DECR2: variants seen among roughly 807,000 people sequenced by gnomAD.
DECR2 encodes peroxisomal 2,4-dienoyl-CoA reductase [(3E)-enoyl-CoA-producing].
A neutral mutation model predicts 29.2 loss-of-function variants in DECR2; 34 were observed. That is an observed-to-expected ratio of 1.16 (90% CI 0.89 to 1.55). The LOEUF is 1.55. DECR2 is among the 40% of genes most tolerant of loss of function. The pLI, the probability that DECR2 is intolerant of heterozygous loss-of-function variation, is 0.00. For missense variants in DECR2, 485 were observed against 425.3 expected, an observed-to-expected ratio of 1.14 and a Z score of -1.23; for synonymous variants, 224 against 182.7, an observed-to-expected ratio of 1.23 and a Z score of -1.82.
intron 7 of DECR2, 42 bp from the exon 8 acceptor site, chr16:411,319 G>A: frequency 6.4e-7 from 1 of 1,570,426 alleles, no homozygotes; most frequent in Non-Finnish European, 8.6e-7. Flanking sequence ...AGGGTGCTGG[G>A]TCTTGGGGCT....
intron 3 of DECR2, 48 bp downstream of exon 3, chr16:406,445 G>T (rs757073034): frequency 4.3e-5 from 68 of 1,587,556 alleles, no homozygotes; most frequent in Admixed American, 8.4e-5. Flanking sequence ...CTGTGGGGGG[G>T]CTGGGGCTGG....
At position 402,050 on chromosome 16, in the gene DECR2, G is replaced by A. The variant is rs987724864; in HGVS notation, c.80+7G>A. 23 of 1,401,272 alleles carry A rather than the reference G, an allele frequency of 1.6e-5. No homozygotes were observed. Among genetic ancestry groups the A allele is most frequent in the Non-Finnish European group, 2.1e-5 (23 of 1,075,324 alleles). The allele number at this position is 1,401,272 out of a possible 1,614,324, so 86.8% of individuals were successfully genotyped here. ...TCTGCCCGGACCTGCTGCGGTGAGC[G>A]GGGCCTGGGAAGCGAGCGCAGCCTT... On this transcript the variant is annotated splice_region_variant and intron_variant, in intron 1 of 8. Transcript: ENST00000219481.
In DECR2 at chr16:412,347, G is replaced by A. The variant is rs1172215409; in HGVS notation, c.*458G>A. ...CCGCCCCTCTGTCTCTGCACCACCTGTTTGCATAAACACACTTTGCTACAA... is the reference window on the plus strand; with the variant it reads ...CCGCCCCTCTGTCTCTGCACCACCTATTTGCATAAACACACTTTGCTACAA... On this transcript the variant is annotated 3_prime_UTR_variant, in exon 9 of 9. Coordinates refer to ENST00000219481, the MANE Select transcript of DECR2 (RefSeq NM_020664.4). The A allele has an allele frequency of 2.6e-5, 4 of 152,350 alleles. No homozygotes were observed. Among genetic ancestry groups the A allele is most frequent in the African/African-American group, 9.6e-5 (4 of 41,572 alleles). The allele number at this position is 152,350 out of a possible 1,614,324, so 9.4% of individuals were successfully genotyped here. A position where few individuals can be genotyped will look rare whatever the true frequency, so the allele number is the denominator to read the frequency against.
At chr16:407,716 C>T in intron 4 of DECR2, 156 bp downstream of exon 4, 1 of 1,249,266 alleles carries the variant, frequency 8.0e-7, no homozygotes, top group Non-Finnish European at 1.1e-6. Flanking sequence ...GAGGCCAAGA[C>T]TCAGGCTCCG....
In DECR2 at chr16:410,687, G is replaced by A. The variant is rs374096745; in HGVS notation, c.463-4G>A. The A allele has an allele frequency of 6.2e-7, 1 of 1,602,772 alleles. No homozygotes were observed. On this transcript the variant is annotated splice_polypyrimidine_tract_variant and splice_region_variant and intron_variant, in intron 5 of 8. Transcript: ENST00000219481. The surrounding 1 kb of genome is among the most constrained non-coding windows in gnomAD (Gnocchi z 4.1). Reference sequence around the variant, plus strand: ...CTCACTGCCCCGGGCCTTGTGTGTTGCAGGACCACGGAGGGGTGATCGTGA... The same window carrying A: ...CTCACTGCCCCGGGCCTTGTGTGTTACAGGACCACGGAGGGGTGATCGTGA...
rs927651313 is a variant in DECR2, at chr16:402,108, C to T, written c.80+65C>T. On this transcript the variant is annotated intron_variant, in intron 1 of 8. Transcript: ENST00000219481. The stretch of plus-strand genomic sequence containing the variant: ...GGTCCGGTCCGCGGGCGCCGGCGCC[C>T]CCACGTGGTCCCCGAGGGCTCGCGT... The T allele has an allele frequency of 6.2e-5, 79 of 1,264,716 alleles. No individual in the cohort carries two copies. The Middle Eastern group carries it at 1.3e-3, about 21-fold the overall frequency. The allele number at this position is 1,264,716 out of a possible 1,614,324, so 78.3% of individuals were successfully genotyped here. A position where few individuals can be genotyped will look rare whatever the true frequency, so the allele number is the denominator to read the frequency against.
chr16:406,438 T>C (rs779448865), intron 3 of DECR2, 41 bp downstream of exon 3: 1 of 1,591,496 alleles, frequency 6.3e-7, no homozygotes, highest in South Asian at 1.1e-5. Flanking sequence ...CGGGTGGCTG[T>C]GGGGGGGCTG....
At chr16:404,695 T>C (rs1365041055) in intron 1 of DECR2, among the ~76,000 whole-genome samples, 1 of 152,048 alleles carries the variant, frequency 6.6e-6, no homozygotes, top group Non-Finnish European at 1.5e-5. Context: ...AGTGGTGCGA[T>C]CTCGGCTCAC....
At chr16:409,206 G>A (rs1171905023) in intron 4 of DECR2, among the ~76,000 whole-genome samples, 2 of 148,910 alleles carry the variant, frequency 1.3e-5, no homozygotes, top group Non-Finnish European at 3.0e-5. Flanking sequence ...GAGTCTTGCT[G>A]TGTCGCCCAG....
rs531312457 is a variant in DECR2 at position 401,914 on chromosome 16, G to A, written c.-50G>A. ...TCGCAGCTGCGCGCCGGGTCCTGGA[G>A]GCCGAGGCCGCTCCCGCCCGTTGTC... On this transcript the variant is annotated 5_prime_UTR_variant, in exon 1 of 9. Coordinates refer to ENST00000219481, the MANE Select transcript of DECR2 (RefSeq NM_020664.4). 770 of 1,459,046 alleles carry A rather than the reference G, an allele frequency of 5.3e-4. 7 individuals are homozygous for A. In the South Asian group the frequency reaches 9.2e-3, roughly 17 times the overall value. 90.4% of individuals were successfully genotyped at this position (1,459,046 alleles called of 1,614,324 possible). A position where few individuals can be genotyped will look rare whatever the true frequency, so the allele number is the denominator to read the frequency against.
chr16:405,109 G>T, intron 2 of DECR2, 85 bp downstream of exon 2: 1 of 1,529,224 alleles, frequency 6.5e-7, no homozygotes, highest in Non-Finnish European at 9.0e-7. Flanking sequence ...AAAGATGTTG[G>T]TGGGAGGTAG....
In DECR2 at chr16:410,071, C is replaced by A; in HGVS notation, c.338-172C>A. 1.1e-6 allele frequency: 1 copy of A among 892,902 alleles called. No individual in the cohort carries two copies. Among genetic ancestry groups the A allele is most frequent in the Non-Finnish European group, 1.6e-6 (1 of 607,450 alleles). The allele number at this position is 892,902 out of a possible 1,614,324, so 55.3% of individuals were successfully genotyped here. A position where few individuals can be genotyped will look rare whatever the true frequency, so the allele number is the denominator to read the frequency against. ...TCTCGGGGACACAGTGCAGCCAGGA[C>A]GCCCGTCTTGCTCTGGTCATTTTGG... On this transcript the variant is annotated intron_variant, in intron 4 of 8. Transcript: ENST00000219481. This position sits in a 1 kb window ranked among gnomAD's most constrained non-coding sequence, Gnocchi z 4.1.
rs2054796132 is a variant in DECR2, at chr16:410,353, GAGA to G, written c.451_453del (p.Lys151del). ...CTTCAATGTGTCTCGTGTGCTCTAT[GAGA>G]AGTTCTTCCGGGTGGGTGCCTCGTG... On this transcript the variant is annotated inframe_deletion, in exon 5 of 9. Coordinates refer to ENST00000219481, the MANE Select transcript of DECR2 (RefSeq NM_020664.4). This position sits in a 1 kb window ranked among gnomAD's most constrained non-coding sequence, Gnocchi z 4.1. 6.2e-7 allele frequency: 1 copy of G among 1,600,120 alleles called. No homozygotes were observed. Among genetic ancestry groups the G allele is most frequent in the South Asian group, 1.1e-5 (1 of 89,654 alleles).
rs1239929514 is a variant in DECR2, at chr16:410,286, C to T, written c.381C>T (p.Phe127=). The change falls in exon 5 of 9, where the codon TTC becomes TTT. Residue 127 remains phenylalanine (F), a synonymous_variant. Transcript: ENST00000219481. This position sits in a 1 kb window ranked among gnomAD's most constrained non-coding sequence, Gnocchi z 4.1. The part of the protein sequence containing the change: ...NFLCPAGALS[F]NAFKTVMDID... ...TGTGCCCCGCTGGCGCCTTGTCCTT[C>T]AACGCCTTCAAGACCGTGATGGACA... The T allele has an allele frequency of 3.7e-6, 6 of 1,613,628 alleles. No individual in the cohort carries two copies. The East Asian group carries it at 1.3e-4, about 36-fold the overall frequency.
At position 404,974 on chromosome 16, in the gene DECR2, C is replaced by T. The variant is rs1420979984; in HGVS notation, c.99C>T (p.Ile33=). The change falls in exon 2 of 9, where the codon ATC becomes ATT. Residue 33 remains isoleucine (I), a synonymous_variant. Transcript: ENST00000219481. ...PDLLRDKVAF[I]TGGGSGIGFR... ...TTCTCAGGGACAAAGTGGCCTTCATCACAGGAGGCGGCTCTGGGATTGGGT... is the reference window on the plus strand; with the variant it reads ...TTCTCAGGGACAAAGTGGCCTTCATTACAGGAGGCGGCTCTGGGATTGGGT... The T allele has an allele frequency of 6.2e-7, 1 of 1,614,128 alleles. No homozygotes were observed. The highest frequency in any genetic ancestry group is 2.2e-5 in the East Asian group (1 of 44,884).
chr16:402,521 C>T (rs1435597500), intron 1 of DECR2, among the ~76,000 whole-genome samples: 1 of 152,120 alleles, frequency 6.6e-6, no homozygotes, highest in African/African-American at 2.4e-5. Context: ...CAGGTTTTGC[C>T]CAGCAGCTCT....
chr16:410,341 C>T lies in DECR2; in HGVS notation c.436C>T (p.Arg146Cys), dbSNP rs756055283. 6 of 1,612,016 alleles carry T rather than the reference C, an allele frequency of 3.7e-6. No individual in the cohort carries two copies. Among genetic ancestry groups the T allele is most frequent in the South Asian group, 2.2e-5 (2 of 91,020 alleles). ...IDTSGTFNVS[R>C]VLYEKFFRDH... is the part of the protein sequence containing the mutation. ...TACCAGCGGCACCTTCAATGTGTCTCGTGTGCTCTATGAGAAGTTCTTCCG... is the reference window on the plus strand; with the variant it reads ...TACCAGCGGCACCTTCAATGTGTCTTGTGTGCTCTATGAGAAGTTCTTCCG... Residue 146 changes from arginine (R) to cysteine (C), a missense_variant, in exon 5 of 9, where the codon CGT becomes TGT. Arg to Cys is a radical substitution (Grantham distance 180). Transcript: ENST00000219481. This position sits in a 1 kb window ranked among gnomAD's most constrained non-coding sequence, Gnocchi z 4.1.
chr16:402,334 G>A (rs1165649903), intron 1 of DECR2, among the ~76,000 whole-genome samples: 1 of 151,944 alleles, frequency 6.6e-6, no homozygotes, highest in Non-Finnish European at 1.5e-5. Context: ...GGGTGTCACC[G>A]TGTTGGTCAG....
At chr16:404,599 C>T (rs1408816839) in intron 1 of DECR2, among the ~76,000 whole-genome samples, 1 of 151,714 alleles carries the variant, frequency 6.6e-6, no homozygotes, top group East Asian at 1.9e-4. Flanking sequence ...TAACAGGGCT[C>T]TTTTATTTTT....
Sources: gnomAD v4.1 joint callset for allele counts (sites outside exome capture counted in the v4.1 genomes callset) on GRCh38, gnomAD v4.1.1 for gene constraint, Gnocchi (gnomAD v3.1) non-coding constraint, MANE v1.5 for transcripts, NCBI Gene and HGNC (gene_info 2026-07-23, HGNC 2026-07-21) for gene names.